DLEU7: variants seen among roughly 807,000 people sequenced by gnomAD.
DLEU7 encodes leukemia-associated protein 7.
Under a neutral mutation model 16.0 loss-of-function variants are expected in DLEU7, and 17 were observed. That is an observed-to-expected ratio of 1.06 (90% CI 0.73 to 1.59). The LOEUF (loss-of-function observed/expected upper bound fraction) is 1.59, where lower values mean the gene tolerates loss of function less well. Ranked by LOEUF, DLEU7 falls within the 40% of genes most tolerant of loss-of-function variation. DLEU7 has a pLI of 0.00. For missense variants in DLEU7, 308 were observed against 314.9 expected (o/e 0.98, Z 0.17); for synonymous variants, 113 against 139.8 (o/e 0.81, Z 1.35).
At chr13:50,780,214 C>G (rs1273576735) in intron 1 of DLEU7, among the ~76,000 whole-genome samples, 4 of 152,098 alleles carry the variant, frequency 2.6e-5, no homozygotes, top group African/African-American at 9.7e-5. Context: ...ATAGTATGGT[C>G]TAGAAGTTCA....
intron 1 of DLEU7, among the ~76,000 whole-genome samples, chr13:50,750,021 T>C (rs1471540477): frequency 1.3e-5 from 2 of 152,216 alleles, no homozygotes; most frequent in African/African-American, 4.8e-5. Context: ...AGCCAATGTC[T>C]AAAAGGGTTT....
chr13:50,786,302 T>C (rs559991742), intron 1 of DLEU7, among the ~76,000 whole-genome samples: 9 of 152,282 alleles, frequency 5.9e-5, no homozygotes, highest in African/African-American at 1.9e-4. Context: ...TCTAAAGAAA[T>C]GACACAGCAA....
chr13:50,801,331 G>T (rs533980193), intron 1 of DLEU7, among the ~76,000 whole-genome samples: 1 of 152,158 alleles, frequency 6.6e-6, no homozygotes, highest in Admixed American at 6.5e-5. Context: ...CCTTCCTGAG[G>T]TCGCTTCAGA....
intron 1 of DLEU7, chr13:50,723,017 A>G (rs951507884): frequency 2.6e-5 from 4 of 152,212 alleles, no homozygotes; most frequent in Admixed American, 6.6e-5. Flanking sequence ...GTATTGATAA[A>G]TGTATCAGAT....
intron 1 of DLEU7, among the ~76,000 whole-genome samples, chr13:50,727,263 G>A (rs1873791121): frequency 6.6e-6 from 1 of 152,070 alleles, no homozygotes; most frequent in African/African-American, 2.4e-5. Flanking sequence ...GTTTCCGAAT[G>A]TATGAAGAGG....
At chr13:50,836,493 T>C (rs1433568499) in intron 1 of DLEU7, among the ~76,000 whole-genome samples, 1 of 151,828 alleles carries the variant, frequency 6.6e-6, no homozygotes, top group Non-Finnish European at 1.5e-5. Flanking sequence ...GCTAATATGG[T>C]GAAACCCTGT....
At chr13:50,838,478 A>AT (rs2137816491) in intron 1 of DLEU7, among the ~76,000 whole-genome samples, 1 of 152,324 alleles carries the variant, frequency 6.6e-6, no homozygotes, top group South Asian at 2.1e-4. Flanking sequence ...TGAATTAGTC[A>AT]TTTTCAGCAG....
At chr13:50,768,325 G>A (rs1010961029) in intron 1 of DLEU7, among the ~76,000 whole-genome samples, 3 of 151,346 alleles carry the variant, frequency 2.0e-5, no homozygotes, top group Admixed American at 6.6e-5. Flanking sequence ...TAGGGTACAC[G>A]TGCACAATGT....
chr13:50,817,311 C>T (rs1876762867), intron 1 of DLEU7, among the ~76,000 whole-genome samples: 1 of 152,194 alleles, frequency 6.6e-6, no homozygotes, highest in African/African-American at 2.4e-5. Flanking sequence ...TATGGATCAG[C>T]TTCAAATACC....
chr13:50,726,788 C>G lies in DLEU7; in HGVS notation c.460-13548G>C, dbSNP rs1055592691. The stretch of plus-strand genomic sequence containing the variant: ...GACCTTGACCATGCCCCCTACCTTC[C>G]TGGGCCTCAGGAAATGAAGATGGAA... On this transcript the variant is annotated intron_variant, in intron 1 of 1. Coordinates refer to the DLEU7 transcript ENST00000400393. The surrounding 1 kb of genome is among the most constrained non-coding windows in gnomAD (Gnocchi z 4.0). Among the ~76,000 whole-genome samples the G allele has an allele frequency of 1.8e-4, 28 of 152,214 alleles. No homozygotes were observed. Among genetic ancestry groups the G allele is most frequent in the African/African-American group, 4.8e-4 (20 of 41,532 alleles).
At chr13:50,792,954 T>C (rs530960349) in intron 1 of DLEU7, among the ~76,000 whole-genome samples, 50 of 152,146 alleles carry the variant, frequency 3.3e-4, no homozygotes, top group African/African-American at 1.2e-3. Flanking sequence ...AGGTTTGGAA[T>C]ATGAATGAAT....
chr13:50,753,503 C>T (rs1745387886), intron 1 of DLEU7, among the ~76,000 whole-genome samples: 1 of 152,230 alleles, frequency 6.6e-6, no homozygotes, highest in Non-Finnish European at 1.5e-5. Flanking sequence ...CACTGGTGGG[C>T]CGGCTCTGCT....
intron 1 of DLEU7, among the ~76,000 whole-genome samples, chr13:50,725,547 A>C (rs1307029301): frequency 2.6e-5 from 4 of 152,170 alleles, no homozygotes; most frequent in Non-Finnish European, 5.9e-5. Context: ...TGAGATTACA[A>C]AGGAATTAGC....
intron 1 of DLEU7, among the ~76,000 whole-genome samples, chr13:50,746,746 A>C (rs1486690249): frequency 6.6e-6 from 1 of 152,118 alleles, no homozygotes; most frequent in Non-Finnish European, 1.5e-5. Flanking sequence ...CTTCTAGGTG[A>C]AGATGACAGA....
chr13:50,773,373 T>C (rs993798093), intron 1 of DLEU7, among the ~76,000 whole-genome samples: 2 of 152,222 alleles, frequency 1.3e-5, no homozygotes, highest in African/African-American at 4.8e-5. Context: ...ATTTTCAGCT[T>C]TTCTGCTCTG....
chr13:50,817,017 A>G (rs1235209702), intron 1 of DLEU7, among the ~76,000 whole-genome samples: 1 of 152,040 alleles, frequency 6.6e-6, no homozygotes, highest in African/African-American at 2.4e-5. Context: ...TTTTGTACCA[A>G]TCTAAGCCAA....
intron 1 of DLEU7, among the ~76,000 whole-genome samples, chr13:50,730,871 G>C (rs1231543553): frequency 6.6e-6 from 1 of 152,086 alleles, no homozygotes; most frequent in Non-Finnish European, 1.5e-5. Flanking sequence ...AATAGAGTCT[G>C]GAGACAGGGA....
intron 1 of DLEU7, among the ~76,000 whole-genome samples, chr13:50,755,759 G>T (rs373457878): frequency 2.0e-5 from 3 of 151,838 alleles, no homozygotes; most frequent in African/African-American, 7.3e-5. Context: ...TTTTGAGGGG[G>T]GGGGCACGGT....
intron 1 of DLEU7, among the ~76,000 whole-genome samples, chr13:50,784,621 G>A (rs1055651396): frequency 1.3e-5 from 2 of 152,196 alleles, no homozygotes; most frequent in African/African-American, 4.8e-5. Context: ...CTGTCCTGGA[G>A]ACACTCACAG....
Sources: allele counts gnomAD v4.1 joint callset (sites outside exome capture counted in the v4.1 genomes callset), GRCh38; gene constraint gnomAD v4.1.1; non-coding constraint Gnocchi (gnomAD v3.1); transcripts MANE v1.5; gene names NCBI Gene and HGNC (gene_info 2026-07-23, HGNC 2026-07-21).